The following CELF2 variants were observed in gnomAD, a reference collection of about 807,000 sequenced individuals.
The protein encoded by CELF2 is CUG triplet repeat RNA-binding protein 2.
Under a neutral mutation model 62.6 loss-of-function variants are expected in CELF2, and 8 were observed. The observed-to-expected ratio is 0.13, with a 90% CI of 0.07 to 0.23. CELF2 has a LOEUF of 0.23. Among genes scored for constraint, CELF2 ranks in the 10% least tolerant of loss-of-function variants. CELF2 has a pLI of 1.00. For synonymous variants in CELF2, 258 were observed against 250.0 expected, an observed-to-expected ratio of 1.03 and a Z score of -0.30; for missense variants, 333 against 671.0, an observed-to-expected ratio of 0.50 and a Z score of 5.56.
At chr10:10,673,919 C>T in the CELF2 span, among the ~76,000 whole-genome samples, 3 of 152,144 alleles carry the variant, frequency 2.0e-5, no homozygotes, top group Non-Finnish European at 4.4e-5. Flanking sequence ...TGGAAAATTG[C>T]TAAGCAGTGT....
the CELF2 span, among the ~76,000 whole-genome samples, chr10:10,671,665 TTA>T: frequency 6.6e-6 from 1 of 152,162 alleles, no homozygotes; most frequent in Non-Finnish European, 1.5e-5. Flanking sequence ...TTGGTTTAAT[TTA>T]TGTTTTTCTG....
At position 11,324,294 on chromosome 10, in the gene CELF2, G is replaced by A. The variant is rs2095611476; in HGVS notation, c.1295-1542G>A. Among the ~76,000 whole-genome samples the A allele has an allele frequency of 6.6e-6, 1 of 152,342 alleles. No individual in the cohort carries two copies. The highest frequency in any genetic ancestry group is 3.4e-3 in the Middle Eastern group (1 of 294). Reference sequence around the variant, plus strand: ...TTTGTGCATTTGGATCTTTTGTGCAGTAGCAACATGAAAGCTGGTAGCACC... The same window carrying A: ...TTTGTGCATTTGGATCTTTTGTGCAATAGCAACATGAAAGCTGGTAGCACC... On this transcript the variant is annotated intron_variant, in intron 11 of 12. Transcript: ENST00000633077. This position sits in a 1 kb window ranked among gnomAD's most constrained non-coding sequence, Gnocchi z 4.7.
chr10:10,779,875 T>G, the CELF2 span, among the ~76,000 whole-genome samples: 1 of 152,056 alleles, frequency 6.6e-6, no homozygotes, highest in Non-Finnish European at 1.5e-5. Context: ...AAAAAAACTT[T>G]AAACTTTCTA....
the CELF2 span, among the ~76,000 whole-genome samples, chr10:10,603,329 G>A: frequency 6.6e-6 from 1 of 151,304 alleles, no homozygotes; most frequent in African/African-American, 2.4e-5. Flanking sequence ...ATAGCCAAAA[G>A]GACAATGAAC....
chr10:11,079,239 G>A (rs1043404481), intron 1 of CELF2, among the ~76,000 whole-genome samples: 1 of 152,098 alleles, frequency 6.6e-6, no homozygotes, highest in Non-Finnish European at 1.5e-5. Context: ...GTACTTACCT[G>A]AACTAAAGTC....
intron 1 of CELF2, among the ~76,000 whole-genome samples, chr10:10,892,729 G>T (rs2062237590): frequency 6.6e-6 from 1 of 152,182 alleles, no homozygotes; most frequent in South Asian, 2.1e-4. Flanking sequence ...GGCTCTACAT[G>T]TTGTTCCAAT....
Position 11,237,939 on chromosome 10 carries a change from G to A in CELF2, c.355-11214G>A, listed in dbSNP as rs2072166627. ...TTTCGTACAAACCTAATAGAATCTAGGATTGGAAATGTAAATGAGCCACCA... is the reference window on the plus strand; with the variant it reads ...TTTCGTACAAACCTAATAGAATCTAAGATTGGAAATGTAAATGAGCCACCA... On this transcript the variant is annotated intron_variant, in intron 3 of 12. Transcript: ENST00000633077. The surrounding 1 kb of genome is among the most constrained non-coding windows in gnomAD (Gnocchi z 4.0). 6.6e-6 allele frequency among the ~76,000 whole-genome samples: 1 copy of A among 152,222 alleles called. No individual in the cohort carries two copies. The highest frequency in any genetic ancestry group is 6.5e-5 in the Admixed American group (1 of 15,278).
At chr10:11,222,702 A>G (rs1475086260) in intron 3 of CELF2, among the ~76,000 whole-genome samples, 1 of 152,260 alleles carries the variant, frequency 6.6e-6, no homozygotes, top group Non-Finnish European at 1.5e-5. Context: ...GTATGTGTTT[A>G]GTAAGTAGCT....
the CELF2 span, among the ~76,000 whole-genome samples, chr10:10,695,242 A>G: frequency 6.9e-6 from 1 of 145,706 alleles, no homozygotes; most frequent in African/African-American, 2.5e-5. Flanking sequence ...TCTGTAAAGT[A>G]TTTTATTTCT....
intron 1 of CELF2, among the ~76,000 whole-genome samples, chr10:10,913,858 A>AGAGG (rs2064059788): frequency 9.9e-6 from 1 of 101,044 alleles, no homozygotes; most frequent in Non-Finnish European, 1.9e-5. Flanking sequence ...AGGGAAGGAG[A>AGAGG]GAAGGAAGGA....
At chr10:10,553,380 C>G in the CELF2 span, among the ~76,000 whole-genome samples, 1 of 152,146 alleles carries the variant, frequency 6.6e-6, no homozygotes, top group East Asian at 1.9e-4. Context: ...AATGCCTCTT[C>G]TTATAAGGGC....
chr10:10,569,464 C>G, the CELF2 span, among the ~76,000 whole-genome samples: 1 of 152,114 alleles, frequency 6.6e-6, no homozygotes, highest in East Asian at 1.9e-4. Context: ...CGGGGTCCCT[C>G]CCACAACACA....
the CELF2 span, among the ~76,000 whole-genome samples, chr10:10,760,474 G>T: frequency 4.6e-5 from 7 of 152,170 alleles, no homozygotes; most frequent in African/African-American, 1.7e-4. Flanking sequence ...TATTATTCGT[G>T]TATTTCCTTA....
At position 11,321,922 on chromosome 10, in the gene CELF2, C is replaced by T. The variant is rs924307525; in HGVS notation, c.1294+536C>T. On this transcript the variant is annotated intron_variant, in intron 11 of 12. Transcript: ENST00000633077. The surrounding 1 kb of genome is among the most constrained non-coding windows in gnomAD (Gnocchi z 6.2). ...GATCTAAGTCCAGGAAAGTTGATCACCTTTCTTGCAATCCCCAAATATCCT... is the reference window on the plus strand; with the variant it reads ...GATCTAAGTCCAGGAAAGTTGATCATCTTTCTTGCAATCCCCAAATATCCT... Among the ~76,000 whole-genome samples the T allele has an allele frequency of 1.3e-5, 2 of 152,168 alleles. No individual in the cohort carries two copies. Among genetic ancestry groups the T allele is most frequent in the Admixed American group, 6.5e-5 (1 of 15,278 alleles).
the CELF2 span, among the ~76,000 whole-genome samples, chr10:10,640,363 C>T: frequency 6.6e-6 from 1 of 152,130 alleles, no homozygotes; most frequent in Non-Finnish European, 1.5e-5. Context: ...GGGATCCTTC[C>T]CCCAAGCACT....
chr10:10,525,658 G>T, the CELF2 span, among the ~76,000 whole-genome samples: 1 of 152,198 alleles, frequency 6.6e-6, no homozygotes, highest in African/African-American at 2.4e-5. Flanking sequence ...ACAAATGGAA[G>T]AATTTCCCTC....
At chr10:10,805,565 G>A (rs886964066) in intron 1 of CELF2, among the ~76,000 whole-genome samples, 2 of 152,152 alleles carry the variant, frequency 1.3e-5, no homozygotes, top group African/African-American at 4.8e-5. Flanking sequence ...GGAATGGAAT[G>A]GGATCACCCT....
chr10:10,823,168 A>G (rs1209793217), intron 1 of CELF2, among the ~76,000 whole-genome samples: 1 of 152,230 alleles, frequency 6.6e-6, no homozygotes, highest in East Asian at 1.9e-4. Flanking sequence ...AAAGCTTTTT[A>G]TGTGCATAGA....
At chr10:10,628,133 C>A in the CELF2 span, among the ~76,000 whole-genome samples, 1 of 152,122 alleles carries the variant, frequency 6.6e-6, no homozygotes, top group Non-Finnish European at 1.5e-5. Context: ...AAACTCCTGG[C>A]CTCAGGTAAT....
Sources: allele counts gnomAD v4.1 joint callset (sites outside exome capture counted in the v4.1 genomes callset), GRCh38; gene constraint gnomAD v4.1.1; non-coding constraint Gnocchi (gnomAD v3.1); transcripts MANE v1.5; gene names NCBI Gene and HGNC (gene_info 2026-07-23, HGNC 2026-07-21).